Variants in FOXN1 observed in about 807,000 individuals in gnomAD.
The protein encoded by FOXN1 is forkhead box N1.
In FOXN1, 15 loss-of-function variants were observed where a neutral mutation model predicts 49.0. The ratio of observed to expected loss-of-function variants is 0.31; its 90% CI spans 0.20 to 0.47. The LOEUF is 0.47. Among genes scored for constraint, FOXN1 ranks in the 20% least tolerant of loss-of-function variants. The pLI is 1.00. For synonymous variants in FOXN1, 356 were observed against 369.0 expected (o/e 0.96, Z 0.40); for missense variants, 800 against 842.8 (o/e 0.95, Z 0.63).
chr17:28,515,761 A>T (rs1334663471), intron 1 of FOXN1, among the ~76,000 whole-genome samples: 1 of 151,760 alleles, frequency 6.6e-6, no homozygotes, highest in Non-Finnish European at 1.5e-5. Flanking sequence ...TCACAGGAGT[A>T]CACCCCTCCA....
At position 28,524,979 on chromosome 17, in the gene FOXN1, T is replaced by G. The variant is rs771689928; in HGVS notation, c.588+12T>G. The stretch of plus-strand genomic sequence containing the variant: ...GCCCCCAAGTCCTGGTGAGTACTAG[T>G]GGCCAGCGAGTGTCCCATCTTCCCA... On this transcript the variant is annotated intron_variant, in intron 3 of 8. Coordinates refer to ENST00000579795, the MANE Select transcript of FOXN1 (RefSeq NM_001369369.1). The G allele has an allele frequency of 3.2e-6, 5 of 1,586,310 alleles. No individual in the cohort carries two copies. The highest frequency in any genetic ancestry group is 4.3e-6 in the Non-Finnish European group (5 of 1,161,572).
chr17:28,507,757 C>A (rs1277685803), intron 1 of FOXN1, among the ~76,000 whole-genome samples: 1 of 152,316 alleles, frequency 6.6e-6, no homozygotes, highest in African/African-American at 2.4e-5. Flanking sequence ...GGCTCAGAAC[C>A]TTTTACCATC....
Position 28,524,079 on chromosome 17 carries a change from C to A in FOXN1, c.110C>A (p.Pro37His), listed in dbSNP as rs1465815044. The A allele has an allele frequency of 1.2e-6, 2 of 1,603,848 alleles. No homozygotes were observed. Among genetic ancestry groups the A allele is most frequent in the Admixed American group, 1.7e-5 (1 of 58,518 alleles). Residue 37 changes from proline to histidine, a missense_variant, in exon 2 of 9, where the codon CCT (proline) becomes CAT (histidine). Physicochemically the swap from Pro to His is moderately conservative, Grantham distance 77. Coordinates refer to ENST00000579795, the MANE Select transcript of FOXN1 (RefSeq NM_001369369.1). ...CAGGCACCGGGCCTCCCAGGCTCCC[C>A]TGCCCCACAGAGTGTAAGTACCCGG... Reference protein sequence around the residue: ...LMQAPGLPGSPAPQSKHAGFS... With the variant: ...LMQAPGLPGSHAPQSKHAGFS...
chr17:28,523,223 C>G (rs138368711), intron 1 of FOXN1, among the ~76,000 whole-genome samples: 1 of 152,354 alleles, frequency 6.6e-6, no homozygotes, highest in African/African-American at 2.4e-5. Context: ...GGGGCAGTGG[C>G]CTGCACAAAG....
At chr17:28,513,138 G>A (rs1049742747) in intron 1 of FOXN1, among the ~76,000 whole-genome samples, 1 of 152,164 alleles carries the variant, frequency 6.6e-6, no homozygotes, top group Non-Finnish European at 1.5e-5. Context: ...ACTTGGTGCT[G>A]CCCGCCTGTA....
chr17:28,511,306 A>T (rs147955319), intron 1 of FOXN1, among the ~76,000 whole-genome samples: 5 of 152,334 alleles, frequency 3.3e-5, no homozygotes, highest in African/African-American at 1.2e-4. Context: ...CCTTAATAAT[A>T]GATTGGTATT....
intron 1 of FOXN1, among the ~76,000 whole-genome samples, chr17:28,515,742 T>C (rs1021824824): frequency 1.3e-5 from 2 of 151,258 alleles, no homozygotes; most frequent in African/African-American, 4.9e-5. Context: ...TCCACAAGTA[T>C]ACACACTTTC....
Position 28,524,928 on chromosome 17 carries a change from G to C in FOXN1, c.549G>C (p.Gly183=). ...PGFSAEAWCN[G]LPYPSQEHGP... ...TCTCAGCAGAGGCCTGGTGTAACGGGCTCCCCTACCCCAGCCAGGAGCATG... is the reference window on the plus strand; with the variant it reads ...TCTCAGCAGAGGCCTGGTGTAACGGCCTCCCCTACCCCAGCCAGGAGCATG... The change falls in exon 3 of 9, where the codon GGG becomes GGC. Residue 183 remains glycine (G), a synonymous_variant. Transcript: ENST00000579795. 1 of 1,612,442 alleles carries C rather than the reference G, an allele frequency of 6.2e-7. No individual in the cohort carries two copies. Among genetic ancestry groups the C allele is most frequent in the Non-Finnish European group, 8.5e-7 (1 of 1,179,996 alleles).
intron 1 of FOXN1, among the ~76,000 whole-genome samples, chr17:28,522,705 G>T (rs1407453369): frequency 2.0e-5 from 3 of 151,968 alleles, no homozygotes; most frequent in Non-Finnish European, 2.9e-5. Flanking sequence ...AGGTGTGGTG[G>T]TACAAGCCTG....
chr17:28,537,163 C>A lies in FOXN1; in HGVS notation c.1674C>A (p.Pro558=), dbSNP rs545409337. Residue 558 remains proline (P), a synonymous_variant, in exon 9 of 9, where the codon CCC becomes CCA. Transcript: ENST00000579795. ...AGGATGATAGCTTGGCCCTCGACCC[C>A]CTGGTACTGGTGACCTCATCCCCGA... The part of the protein sequence containing the change: ...QLKDDSLALD[P]LVLVTSSPTS... 6.2e-7 allele frequency: 1 copy of A among 1,613,986 alleles called. No homozygotes were observed. The highest frequency in any genetic ancestry group is 1.3e-5 in the African/African-American group (1 of 74,896).
intron 6 of FOXN1, among the ~76,000 whole-genome samples, chr17:28,533,659 G>A (rs1727272269): frequency 6.6e-6 from 1 of 152,186 alleles, no homozygotes; most frequent in South Asian, 2.1e-4. Flanking sequence ...ACCCATGAAG[G>A]AGTATCCAGG....
chr17:28,537,635 C>T lies in FOXN1; in HGVS notation c.*199C>T, dbSNP rs1442473099. 9.3e-5 allele frequency: 59 copies of T among 635,066 alleles called. No homozygotes were observed. The highest frequency in any genetic ancestry group is 5.7e-5 in the Non-Finnish European group (20 of 349,452). The allele number at this position is 635,066 out of a possible 1,614,324, so 39.3% of individuals were successfully genotyped here. A position where few individuals can be genotyped will look rare whatever the true frequency, so the allele number is the denominator to read the frequency against. ...TGCTGCCTCTCACACATTTCTGCCA[C>T]GTGGTGGCCCAGCTCCTCACCCAGG... On this transcript the variant is annotated 3_prime_UTR_variant, in exon 9 of 9. Coordinates refer to ENST00000579795, the MANE Select transcript of FOXN1 (RefSeq NM_001369369.1).
At chr17:28,533,228 C>T (rs2151496266) in intron 6 of FOXN1, among the ~76,000 whole-genome samples, 1 of 152,272 alleles carries the variant, frequency 6.6e-6, no homozygotes, top group South Asian at 2.1e-4. Flanking sequence ...GGGGGAGGGG[C>T]CAGGGAATGA....
intron 6 of FOXN1, among the ~76,000 whole-genome samples, chr17:28,533,957 C>T (rs2069983615): frequency 6.6e-6 from 1 of 152,212 alleles, no homozygotes; most frequent in Non-Finnish European, 1.5e-5. Flanking sequence ...GGTCCAAGCA[C>T]AGGCATGGAG....
intron 1 of FOXN1, among the ~76,000 whole-genome samples, chr17:28,513,204 G>A (rs61493570): frequency 0.043 from 6,527 of 152,188 alleles, 433 homozygotes; most frequent in African/African-American, 0.15. Flanking sequence ...AGGAGGTGGA[G>A]GTTGCAGTGA....
At chr17:28,506,785 T>A (rs782466240) in intron 1 of FOXN1, among the ~76,000 whole-genome samples, 2 of 152,114 alleles carry the variant, frequency 1.3e-5, no homozygotes, top group African/African-American at 2.4e-5. Flanking sequence ...CTCAAAAGTG[T>A]TAGATCTGGA....
At position 28,537,888 on chromosome 17, in the gene FOXN1, C is replaced by T. The variant is rs930746327; in HGVS notation, c.*452C>T. Reference sequence around the variant, plus strand: ...CAAAAGCTCAGGGCCCTGTGCCAGGCCAAAGATCCCCCCAGACCCCCATTC... The same window carrying T: ...CAAAAGCTCAGGGCCCTGTGCCAGGTCAAAGATCCCCCCAGACCCCCATTC... On this transcript the variant is annotated 3_prime_UTR_variant, in exon 9 of 9. Coordinates refer to ENST00000579795, the MANE Select transcript of FOXN1 (RefSeq NM_001369369.1). 20 of 246,572 alleles carry T rather than the reference C, an allele frequency of 8.1e-5. No homozygotes were observed. The highest frequency in any genetic ancestry group is 3.3e-4 in the African/African-American group (15 of 44,836). 15.3% of individuals were successfully genotyped at this position (246,572 alleles called of 1,614,324 possible).
chr17:28,534,610 C>T lies in FOXN1; in HGVS notation c.1135+72C>T. The stretch of plus-strand genomic sequence containing the variant: ...GCCAAAAAAAAAAAAAAGAGAGAAT[C>T]AGAGAATGAGGCAAGGCCCCGAGTA... On this transcript the variant is annotated intron_variant, in intron 7 of 8. Coordinates refer to ENST00000579795, the MANE Select transcript of FOXN1 (RefSeq NM_001369369.1). The surrounding 1 kb of genome is among the most constrained non-coding windows in gnomAD (Gnocchi z 4.1). The T allele has an allele frequency of 3.2e-6, 5 of 1,581,652 alleles. No individual in the cohort carries two copies. The highest frequency in any genetic ancestry group is 4.3e-6 in the Non-Finnish European group (5 of 1,162,948).
intron 3 of FOXN1, among the ~76,000 whole-genome samples, chr17:28,525,351 C>A (rs992744258): frequency 6.6e-6 from 1 of 152,176 alleles, no homozygotes; most frequent in African/African-American, 2.4e-5. Context: ...AGCCATAGTA[C>A]ACAGTTTTTC....
Sources: allele counts gnomAD v4.1 joint callset (sites outside exome capture counted in the v4.1 genomes callset), GRCh38; gene constraint gnomAD v4.1.1; non-coding constraint Gnocchi (gnomAD v3.1); transcripts MANE v1.5; gene names NCBI Gene and HGNC (gene_info 2026-07-23, HGNC 2026-07-21).